FOCAD: variants seen among roughly 807,000 people sequenced by gnomAD.
The protein encoded by FOCAD is focadhesin.
Under a neutral mutation model 225.6 loss-of-function variants are expected in FOCAD, and 198 were observed. That is an observed-to-expected ratio of 0.88 (90% CI 0.78 to 0.99). The LOEUF is 0.99. FOCAD is among the 50% of genes least tolerant of loss of function. FOCAD has a pLI of 0.00. For synonymous variants in FOCAD, 897 were observed against 755.0 expected (o/e 1.19, Z -3.08); for missense variants, 2,713 against 2,123.6 (o/e 1.28, Z -5.46).
At chr9:20,796,525 T>C (rs2131241523) in intron 11 of FOCAD, among the ~76,000 whole-genome samples, 1 of 152,328 alleles carries the variant, frequency 6.6e-6, no homozygotes, top group South Asian at 2.1e-4. Context: ...TGTGAGATGG[T>C]ATCTTATTGT....
chr9:20,783,515 A>G (rs919966686), intron 10 of FOCAD, among the ~76,000 whole-genome samples: 51 of 152,008 alleles, frequency 3.4e-4, no homozygotes, highest in African/African-American at 1.2e-3. Flanking sequence ...AGCTGCCTGA[A>G]CTATTCATCC....
chr9:20,715,389 A>T lies in FOCAD; in HGVS notation c.36A>T (p.Pro12=), dbSNP rs373339774. The T allele has an allele frequency of 6.6e-7, 1 of 1,524,008 alleles. No homozygotes were observed. Among genetic ancestry groups the T allele is most frequent in the African/African-American group, 1.4e-5 (1 of 72,898 alleles). 94.4% of individuals were successfully genotyped at this position (1,524,008 alleles called of 1,614,324 possible). ...SDDIRKRFEF[P]NSLIQSQAVG... is the part of the protein sequence containing the mutation. Reference sequence around the variant, plus strand: ...ATATCAGGAAAAGGTTTGAATTTCCAAATTCTCTTATCCAATCACAGGTAA... The same window carrying T: ...ATATCAGGAAAAGGTTTGAATTTCCTAATTCTCTTATCCAATCACAGGTAA... The change falls in exon 2 of 44, where the codon CCA becomes CCT. Residue 12 remains proline (P), a synonymous_variant. Coordinates refer to ENST00000338382, the MANE Select transcript of FOCAD (RefSeq NM_001375567.1).
At chr9:20,971,765 C>T (rs1200581964) in intron 35 of FOCAD, among the ~76,000 whole-genome samples, 1 of 152,102 alleles carries the variant, frequency 6.6e-6, no homozygotes. Flanking sequence ...TCCCCCACCC[C>T]TCTCCCTATC....
chr9:20,957,301 C>A (rs975185871), intron 35 of FOCAD, among the ~76,000 whole-genome samples: 38 of 152,042 alleles, frequency 2.5e-4, no homozygotes, highest in African/African-American at 9.2e-4. Flanking sequence ...TTGAGCAATC[C>A]TCCTGACTTA....
rs1478605012 is a variant in FOCAD, at chr9:20,948,300, CAT to C, written c.3707_3708del (p.Ile1236SerfsTer13). The C allele has an allele frequency of 1.1e-5, 18 of 1,609,750 alleles. No individual in the cohort carries two copies. The highest frequency in any genetic ancestry group is 1.7e-5 in the Admixed American group (1 of 59,762). On this transcript the variant is annotated frameshift_variant, in exon 31 of 44. Transcript: ENST00000338382. LOFTEE classifies it high-confidence loss of function. ...TSGFALALGN[I>X]VHGLSVCGHG... ...CAGGTTTTGCCCTGGCTTTAGGAAA[CAT>C]AGTTCATGGATTGTCTGTGTGTGGA...
intron 35 of FOCAD, among the ~76,000 whole-genome samples, chr9:20,964,525 G>A (rs1368943368): frequency 6.6e-6 from 1 of 152,130 alleles, no homozygotes; most frequent in East Asian, 1.9e-4. Context: ...AAGAGTGGCA[G>A]GTGTGTTGAG....
At chr9:20,757,092 G>A (rs1775131227) in intron 5 of FOCAD, among the ~76,000 whole-genome samples, 1 of 152,082 alleles carries the variant, frequency 6.6e-6, no homozygotes, top group African/African-American at 2.4e-5. Context: ...ACCATTCCCG[G>A]CTAATTTTGT....
intron 42 of FOCAD, 77 bp downstream of exon 42, chr9:20,990,451 G>A: frequency 6.5e-7 from 1 of 1,533,050 alleles, no homozygotes; most frequent in Non-Finnish European, 8.8e-7. Flanking sequence ...GAATTGAGGT[G>A]GGAGTTAAGT....
At chr9:20,975,591 A>G (rs1840158566) in intron 35 of FOCAD, among the ~76,000 whole-genome samples, 1 of 152,220 alleles carries the variant, frequency 6.6e-6, no homozygotes, top group Admixed American at 6.5e-5. Flanking sequence ...TAAGTGAGCA[A>G]TGAGGTACTA....
intron 2 of FOCAD, among the ~76,000 whole-genome samples, chr9:20,677,477 G>T (rs984595423): frequency 1.3e-5 from 2 of 151,864 alleles, no homozygotes; most frequent in African/African-American, 4.8e-5. Flanking sequence ...TGTGATAAAG[G>T]GTTAATATAG....
In FOCAD at chr9:20,948,413, T is replaced by G; in HGVS notation, c.3798+20T>G. 6.2e-7 allele frequency: 1 copy of G among 1,601,788 alleles called. No individual in the cohort carries two copies. The highest frequency in any genetic ancestry group is 2.2e-5 in the East Asian group (1 of 44,646). On this transcript the variant is annotated intron_variant, in intron 31 of 43. Transcript: ENST00000338382. ...ACAGAGGTAGAGGTCACCTGTTGTA[T>G]GCTATTTCATATTTTTATAATGGAA...
intron 8 of FOCAD, among the ~76,000 whole-genome samples, chr9:20,773,225 A>C (rs953476639): frequency 1.3e-5 from 2 of 152,182 alleles, no homozygotes; most frequent in African/African-American, 4.8e-5. Context: ...GCATATATTT[A>C]TTAAGCAGAT....
chr9:20,669,997 A>G (rs183573295), intron 2 of FOCAD, among the ~76,000 whole-genome samples: 21 of 152,342 alleles, frequency 1.4e-4, no homozygotes, highest in African/African-American at 4.1e-4. Context: ...AAGTATTAGA[A>G]AATAAAATTA....
chr9:20,811,939 A>G (rs944325341), intron 11 of FOCAD, among the ~76,000 whole-genome samples: 2 of 152,078 alleles, frequency 1.3e-5, no homozygotes, highest in Non-Finnish European at 2.9e-5. Flanking sequence ...TTTATGTTTT[A>G]TCTTTTCAAT....
At chr9:20,878,392 T>A (rs749270498) in intron 19 of FOCAD, among the ~76,000 whole-genome samples, 1 of 152,166 alleles carries the variant, frequency 6.6e-6, no homozygotes, top group Non-Finnish European at 1.5e-5. Flanking sequence ...GGTGAGTATA[T>A]ATTCTCCATC....
At position 20,659,053 on chromosome 9, in the gene FOCAD, T is replaced by G. The variant is rs1308679393; in HGVS notation, c.-78+227T>G. On this transcript the variant is annotated intron_variant, in intron 2 of 45. Transcript: ENST00000380249. ...AGCCAGCATGGCAAAACCCCATTTCTACTAAAAATTCAAAAAATTAGCTGG... is the reference window on the plus strand; with the variant it reads ...AGCCAGCATGGCAAAACCCCATTTCGACTAAAAATTCAAAAAATTAGCTGG... Among the ~76,000 whole-genome samples, 4 of 152,242 alleles carry G rather than the reference T, an allele frequency of 2.6e-5. No homozygotes were observed. In the East Asian group the frequency reaches 7.7e-4, roughly 29 times the overall value.
chr9:20,754,776 A>G (rs1350437674), intron 5 of FOCAD, among the ~76,000 whole-genome samples: 1 of 152,192 alleles, frequency 6.6e-6, no homozygotes, highest in Non-Finnish European at 1.5e-5. Context: ...TCCATTGTGC[A>G]TAGGACAACC....
At position 20,974,937 on chromosome 9, in the gene FOCAD, A is replaced by G. The variant is rs62558288; in HGVS notation, c.4133-1483A>G. 2.4e-3 allele frequency among the ~76,000 whole-genome samples: 361 copies of G among 151,880 alleles called. 3 individuals carry two copies. Among genetic ancestry groups the G allele is most frequent in the Non-Finnish European group, 2.8e-3 (191 of 67,980 alleles). Reference sequence around the variant, plus strand: ...TTTGCCTCTGCTTCTCCTTCTTCCTATGCTTCTCCTTTCTGAAGCTGTTTT... The same window carrying G: ...TTTGCCTCTGCTTCTCCTTCTTCCTGTGCTTCTCCTTTCTGAAGCTGTTTT... On this transcript the variant is annotated intron_variant, in intron 35 of 43. Coordinates refer to ENST00000338382, the MANE Select transcript of FOCAD (RefSeq NM_001375567.1).
chr9:20,678,220 A>G (rs1822291205), intron 2 of FOCAD, among the ~76,000 whole-genome samples: 1 of 152,210 alleles, frequency 6.6e-6, no homozygotes. Flanking sequence ...CATTGAAATA[A>G]TGTATGTCAA....
Sources: allele counts gnomAD v4.1 joint callset (sites outside exome capture counted in the v4.1 genomes callset), GRCh38; gene constraint gnomAD v4.1.1; transcripts MANE v1.5; gene names NCBI Gene and HGNC (gene_info 2026-07-23, HGNC 2026-07-21).